RGS6: variants seen among roughly 807,000 people sequenced by gnomAD.
The protein encoded by RGS6 is regulator of G-protein signaling 6.
RGS6 carries 30 observed loss-of-function variants against 78.5 expected under a neutral mutation model. The ratio of observed to expected loss-of-function variants is 0.38; its 90% CI spans 0.29 to 0.52. The LOEUF (loss-of-function observed/expected upper bound fraction) is 0.52, where lower values mean the gene tolerates loss of function less well. Among genes scored for constraint, RGS6 ranks in the 20% least tolerant of loss-of-function variants. The pLI is 0.85. For synonymous variants in RGS6, 206 were observed against 206.0 expected, an observed-to-expected ratio of 1.00 and a Z score of 0.00; for missense variants, 495 against 609.7, an observed-to-expected ratio of 0.81 and a Z score of 1.98.
chr14:72,367,289 T>C (rs2332830), intron 3 of RGS6, among the ~76,000 whole-genome samples: 1 of 152,226 alleles, frequency 6.6e-6, no homozygotes, highest in Non-Finnish European at 1.5e-5. Context: ...CTCGGGATCC[T>C]CTATTTTCAG....
At chr14:72,259,520 G>A (rs2057721071) in intron 2 of RGS6, among the ~76,000 whole-genome samples, 1 of 151,928 alleles carries the variant, frequency 6.6e-6, no homozygotes, top group African/African-American at 2.4e-5. Context: ...GGAAAATGCT[G>A]GTACTCTGTA....
At chr14:72,281,919 T>C (rs972746319) in intron 2 of RGS6, among the ~76,000 whole-genome samples, 1 of 152,154 alleles carries the variant, frequency 6.6e-6, no homozygotes, top group Non-Finnish European at 1.5e-5. Flanking sequence ...ACACAAGGTA[T>C]TGGAAGACAC....
At chr14:71,952,212 G>A (rs1047480093) in intron 1 of RGS6, among the ~76,000 whole-genome samples, 1 of 152,086 alleles carries the variant, frequency 6.6e-6, no homozygotes, top group Non-Finnish European at 1.5e-5. Flanking sequence ...CAGTGGGAAA[G>A]TTTTCCATGT....
intron 2 of RGS6, among the ~76,000 whole-genome samples, chr14:72,024,008 A>C (rs542536451): frequency 1.3e-5 from 2 of 152,250 alleles, no homozygotes; most frequent in South Asian, 4.2e-4. Flanking sequence ...CAATGAGCTC[A>C]TTGGGATTTG....
chr14:72,285,366 G>A (rs917432632), intron 2 of RGS6, among the ~76,000 whole-genome samples: 1 of 152,112 alleles, frequency 6.6e-6, no homozygotes, highest in Non-Finnish European at 1.5e-5. Context: ...CCTCCATACT[G>A]TTCTCATGGT....
At chr14:72,525,071 A>G (rs971136500) in intron 15 of RGS6, among the ~76,000 whole-genome samples, 1 of 152,214 alleles carries the variant, frequency 6.6e-6, no homozygotes, top group Non-Finnish European at 1.5e-5. Context: ...TTTACCTTTT[A>G]TAAGTTCCTG....
Position 72,540,100 on chromosome 14 carries a change from T to C in RGS6, c.1422+6T>C. ...AAAAGTTCACTCGCAGTGTGGTAAG[T>C]TCAGTCGGTTTTCTTCCCTCAGCTT... On this transcript the variant is annotated splice_donor_region_variant and intron_variant, in intron 17 of 17. Coordinates refer to ENST00000553525, the MANE Select transcript of RGS6 (RefSeq NM_001204424.2). The C allele has an allele frequency of 6.3e-7, 1 of 1,587,226 alleles. No individual in the cohort carries two copies. The highest frequency in any genetic ancestry group is 8.5e-7 in the Non-Finnish European group (1 of 1,176,446).
intron 2 of RGS6, among the ~76,000 whole-genome samples, chr14:72,154,115 G>A (rs965657862): frequency 6.6e-6 from 1 of 152,124 alleles, no homozygotes; most frequent in Non-Finnish European, 1.5e-5. Flanking sequence ...AAATAATTTA[G>A]TGATATCTCT....
At chr14:71,999,795 TC>T (rs1487304732) in intron 2 of RGS6, among the ~76,000 whole-genome samples, 1 of 151,728 alleles carries the variant, frequency 6.6e-6, no homozygotes, top group Admixed American at 6.6e-5. Flanking sequence ...TCCTGAGGCC[TC>T]CCCAGCAGCT....
intron 2 of RGS6, among the ~76,000 whole-genome samples, chr14:72,169,581 T>C (rs1032859175): frequency 6.6e-6 from 1 of 152,228 alleles, no homozygotes; most frequent in Non-Finnish European, 1.5e-5. Flanking sequence ...AGTAATGATT[T>C]AGATGTCTGA....
the RGS6 span, among the ~76,000 whole-genome samples, chr14:71,919,078 T>A: frequency 1 from 152,037 of 152,260 alleles, 75,910 homozygotes; most frequent in Middle Eastern, 1. Flanking sequence ...AAAAGAGCTT[T>A]CTTCCTTTGT....
At chr14:72,072,116 C>T (rs1191570774) in intron 2 of RGS6, among the ~76,000 whole-genome samples, 1 of 152,192 alleles carries the variant, frequency 6.6e-6, no homozygotes, top group African/African-American at 2.4e-5. Flanking sequence ...TTCTCTCCAC[C>T]ATGCTTCGGG....
At chr14:72,532,972 G>T (rs1362919299) in intron 15 of RGS6, among the ~76,000 whole-genome samples, 1 of 152,266 alleles carries the variant, frequency 6.6e-6, no homozygotes, top group Non-Finnish European at 1.5e-5. Context: ...GATCATTGAT[G>T]AAGGTGGCTA....
intron 2 of RGS6, among the ~76,000 whole-genome samples, chr14:72,172,306 G>A (rs1278554691): frequency 1.3e-5 from 2 of 150,826 alleles, no homozygotes; most frequent in Admixed American, 1.3e-4. Flanking sequence ...GCCTTTTAGG[G>A]GAGGAAGCCG....
intron 1 of RGS6, among the ~76,000 whole-genome samples, chr14:71,953,227 G>C (rs969140215): frequency 2.6e-5 from 4 of 152,110 alleles, no homozygotes; most frequent in Non-Finnish European, 4.4e-5. Flanking sequence ...AGGTCTTAGT[G>C]CCATCCTCTG....
intron 15 of RGS6, among the ~76,000 whole-genome samples, chr14:72,521,564 T>A (rs2153467112): frequency 6.6e-6 from 1 of 152,336 alleles, no homozygotes; most frequent in African/African-American, 2.4e-5. Context: ...AGACTAGACA[T>A]GAGGATGTCT....
intron 1 of RGS6, among the ~76,000 whole-genome samples, chr14:71,935,583 G>T (rs2088981357): frequency 6.6e-6 from 1 of 152,108 alleles, no homozygotes; most frequent in Admixed American, 6.6e-5. Context: ...TTGAAAACAA[G>T]TGTTTGCACT....
chr14:72,153,839 A>G (rs781310127), intron 2 of RGS6, among the ~76,000 whole-genome samples: 3 of 152,198 alleles, frequency 2.0e-5, no homozygotes, highest in Admixed American at 6.5e-5. Context: ...ATAAGGGTCT[A>G]TGTTCAGTGG....
chr14:72,172,449 T>A (rs2097036255), intron 2 of RGS6, among the ~76,000 whole-genome samples: 1 of 151,966 alleles, frequency 6.6e-6, no homozygotes, highest in Non-Finnish European at 1.5e-5. Context: ...TGAGAAGTGG[T>A]ACACACACAC....
Sources: gnomAD v4.1 joint callset for allele counts (sites outside exome capture counted in the v4.1 genomes callset) on GRCh38, gnomAD v4.1.1 for gene constraint, MANE v1.5 for transcripts, NCBI Gene and HGNC (gene_info 2026-07-23, HGNC 2026-07-21) for gene names.